CEP89: variants seen among roughly 807,000 people sequenced by gnomAD.
The protein encoded by CEP89 is centrosomal protein of 89 kDa.
A neutral mutation model predicts 97.6 loss-of-function variants in CEP89; 95 were observed. The ratio of observed to expected loss-of-function variants is 0.97; its 90% CI spans 0.82 to 1.15. The LOEUF (loss-of-function observed/expected upper bound fraction) is 1.15. Ranked by LOEUF, CEP89 falls within the 50% of genes most tolerant of loss-of-function variation. The pLI, the probability that CEP89 is intolerant of heterozygous loss-of-function variation, is 0.00. For synonymous variants in CEP89, 354 were observed against 349.1 expected, an observed-to-expected ratio of 1.01 and a Z score of -0.16; for missense variants, 869 against 947.7, an observed-to-expected ratio of 0.92 and a Z score of 1.09.
chr19:32,921,695 T>G (rs1001903406), intron 12 of CEP89, among the ~76,000 whole-genome samples: 1 of 152,132 alleles, frequency 6.6e-6, no homozygotes, highest in African/African-American at 2.4e-5. Flanking sequence ...CCAGCCTGGC[T>G]AAGCTGCTTT....
At chr19:32,971,576 G>A in intron 1 of CEP89, 1 of 578,860 alleles carries the variant, frequency 1.7e-6, no homozygotes, top group South Asian at 2.2e-5. Flanking sequence ...AAGATCGCTT[G>A]AGCCCAGGAG....
At chr19:32,913,772 G>A (rs1175628342) in intron 14 of CEP89, among the ~76,000 whole-genome samples, 2 of 151,678 alleles carry the variant, frequency 1.3e-5, no homozygotes, top group Non-Finnish European at 2.9e-5. Context: ...CCGAGTAGCT[G>A]GGATTACAGG....
In CEP89 at chr19:32,889,587, A is replaced by G. The variant is rs890240666; in HGVS notation, c.1876-1746T>C. 1.2e-4 allele frequency among the ~76,000 whole-genome samples: 18 copies of G among 152,202 alleles called. No individual in the cohort carries two copies. The Middle Eastern group carries it at 0.01, about 86-fold the overall frequency. The stretch of plus-strand genomic sequence containing the variant: ...TTTGTATTTCCATCCTGGGCCCACA[A>G]ATATTGGGGGTGGGCCGAGAGGAGA... On this transcript the variant is annotated intron_variant, in intron 16 of 18. Transcript: ENST00000305768.
At chr19:32,938,932 A>T (rs1970631293) in intron 6 of CEP89, among the ~76,000 whole-genome samples, 1 of 152,154 alleles carries the variant, frequency 6.6e-6, no homozygotes, top group African/African-American at 2.4e-5. Context: ...TCTGGGTGAC[A>T]GAGCAAGACT....
Position 32,933,610 on chromosome 19 carries a change from A to T in CEP89, c.727T>A (p.Leu243Ile). 2 of 1,613,664 alleles carry T rather than the reference A, an allele frequency of 1.2e-6. No homozygotes were observed. Among genetic ancestry groups the T allele is most frequent in the Non-Finnish European group, 1.7e-6 (2 of 1,179,624 alleles). ...TTTAGGTCCATATTTTCTTCTTTTAATGCCTCAAACTTTTCTCTGGTTATT... is the reference window on the plus strand; with the variant it reads ...TTTAGGTCCATATTTTCTTCTTTTATTGCCTCAAACTTTTCTCTGGTTATT... ...TEITREKFEA[L>I]KEENMDLNNM... The change falls in exon 8 of 19, where the codon TTA becomes ATA. Residue 243 changes from leucine (L) to isoleucine (I), a missense_variant. Leu to Ile is a conservative substitution (Grantham distance 5). Coordinates refer to ENST00000305768, the MANE Select transcript of CEP89 (RefSeq NM_032816.5).
intron 9 of CEP89, among the ~76,000 whole-genome samples, chr19:32,929,976 A>G (rs1970437023): frequency 1.3e-5 from 2 of 151,664 alleles, no homozygotes; most frequent in South Asian, 2.1e-4. Flanking sequence ...CAGCAGGGGA[A>G]CATAGGGAGT....
In CEP89 at chr19:32,953,642, G is replaced by A. The variant is rs928067733; in HGVS notation, c.465C>T (p.Asp155=). ...AREDRGGHSD[D]LYAVPHRNQV... ...GATTTCTGTGTGGCACAGCGTACAG[G>A]TCATCACTGTGGCCTCCTCTGTCCT... Residue 155 remains aspartate (D), a synonymous_variant, in exon 4 of 19, where the codon GAC becomes GAT. Coordinates refer to ENST00000305768, the MANE Select transcript of CEP89 (RefSeq NM_032816.5). The A allele has an allele frequency of 1.9e-6, 3 of 1,613,640 alleles. No homozygotes were observed. Among genetic ancestry groups the A allele is most frequent in the Non-Finnish European group, 2.5e-6 (3 of 1,179,938 alleles).
intron 2 of CEP89, among the ~76,000 whole-genome samples, chr19:32,962,192 C>G (rs1453254334): frequency 1.3e-5 from 2 of 152,158 alleles, no homozygotes; most frequent in South Asian, 2.1e-4. Context: ...TTTCCCCCAT[C>G]CTGTTCTTGT....
At chr19:32,923,845 A>C (rs1970302311) in intron 11 of CEP89, among the ~76,000 whole-genome samples, 1 of 152,212 alleles carries the variant, frequency 6.6e-6, no homozygotes, top group Non-Finnish European at 1.5e-5. Flanking sequence ...TACTGATAGA[A>C]AAGGCAGAGA....
In CEP89 at chr19:32,954,712, T is replaced by A. The variant is rs1346698862; in HGVS notation, c.306-911A>T. On this transcript the variant is annotated intron_variant, in intron 3 of 18. Transcript: ENST00000305768. ...CAGAGTCTCACTCTGTCACCCAGGATGGAGTATAGTAGTGCAATCTTGGCT... is the reference window on the plus strand; with the variant it reads ...CAGAGTCTCACTCTGTCACCCAGGAAGGAGTATAGTAGTGCAATCTTGGCT... 2.8e-5 allele frequency among the ~76,000 whole-genome samples: 4 copies of A among 144,796 alleles called. No individual in the cohort carries two copies. In the East Asian group the frequency reaches 8.8e-4, roughly 32 times the overall value. The allele number at this position is 144,796 out of a possible 152,430, so 95.0% of individuals were successfully genotyped here.
At chr19:32,939,547 A>G (rs1344211977) in intron 6 of CEP89, among the ~76,000 whole-genome samples, 2 of 151,676 alleles carry the variant, frequency 1.3e-5, no homozygotes, top group African/African-American at 4.8e-5. Context: ...GTGTGGTGGC[A>G]TGCATCTGCG....
chr19:32,887,707 A>G, intron 17 of CEP89, 45 bp downstream of exon 17: 2 of 1,204,520 alleles, frequency 1.7e-6, no homozygotes, highest in Non-Finnish European at 1.2e-6. Flanking sequence ...GTGAGCCTGC[A>G]TTCCCATCTG....
intron 5 of CEP89, among the ~76,000 whole-genome samples, chr19:32,946,075 C>A (rs1392027482): frequency 6.6e-6 from 1 of 152,132 alleles, no homozygotes; most frequent in Non-Finnish European, 1.5e-5. Flanking sequence ...CTCTTTACTC[C>A]TTAGTAGGCA....
chr19:32,926,345 C>T, intron 10 of CEP89, 72 bp from the exon 11 acceptor site: 6 of 1,062,938 alleles, frequency 5.6e-6, no homozygotes, highest in Non-Finnish European at 8.5e-6. Context: ...TTTTAAATGG[C>T]AAGAAGTTAT....
intron 12 of CEP89, among the ~76,000 whole-genome samples, chr19:32,918,990 T>C (rs1000644888): frequency 2.7e-5 from 4 of 150,666 alleles, no homozygotes; most frequent in Non-Finnish European, 5.9e-5. Flanking sequence ...GTTCACATCA[T>C]TCTCCTGCCT....
intron 3 of CEP89, among the ~76,000 whole-genome samples, chr19:32,959,055 A>C (rs1225591332): frequency 6.6e-6 from 1 of 151,820 alleles, no homozygotes; most frequent in African/African-American, 2.4e-5. Flanking sequence ...ACAAAAAAAA[A>C]AAAAACAGAC....
At chr19:32,954,211 C>T (rs1970999080) in intron 3 of CEP89, among the ~76,000 whole-genome samples, 1 of 151,966 alleles carries the variant, frequency 6.6e-6, no homozygotes, top group South Asian at 2.1e-4. Flanking sequence ...AAGTCCTTAC[C>T]ATAAATGTGG....
At chr19:32,951,418 G>A (rs1312536857) in intron 4 of CEP89, among the ~76,000 whole-genome samples, 10 of 151,684 alleles carry the variant, frequency 6.6e-5, no homozygotes, top group Admixed American at 1.3e-4. Context: ...CCCAGGAGGC[G>A]GAGGTTGCAG....
intron 6 of CEP89, among the ~76,000 whole-genome samples, chr19:32,939,325 C>T (rs1428813220): frequency 1.3e-5 from 2 of 151,984 alleles, no homozygotes; most frequent in African/African-American, 4.8e-5. Context: ...AGTTTCTAAC[C>T]CTTTAATACA....
Sources: gnomAD v4.1 joint callset for allele counts (sites outside exome capture counted in the v4.1 genomes callset) on GRCh38, gnomAD v4.1.1 for gene constraint, MANE v1.5 for transcripts, NCBI Gene and HGNC (gene_info 2026-07-23, HGNC 2026-07-21) for gene names.